TMEM132B: variants seen among roughly 807,000 people sequenced by gnomAD.
TMEM132B encodes transmembrane protein 132B.
Under a neutral mutation model 90.8 loss-of-function variants are expected in TMEM132B, and 18 were observed. The observed-to-expected ratio is 0.20, with a 90% CI of 0.14 to 0.29. The LOEUF (loss-of-function observed/expected upper bound fraction) is 0.29, where lower values mean the gene tolerates loss of function less well. TMEM132B is among the 10% of genes least tolerant of loss of function. The probability of loss-of-function intolerance (pLI) is 1.00; values close to 1 mark genes in which losing one functional copy is unlikely to be tolerated. For missense variants in TMEM132B, 1,096 were observed against 1,326.8 expected (o/e 0.83, Z 2.70); for synonymous variants, 504 against 523.3 (o/e 0.96, Z 0.50).
At chr12:125,295,538 G>GAGAGAGAGAGAC (rs1445138028) in intron 1 of TMEM132B, among the ~76,000 whole-genome samples, 19 of 149,054 alleles carry the variant, frequency 1.3e-4, no homozygotes, top group Admixed American at 2.0e-4. Flanking sequence ...GAGAGAGAGA[G>GAGAGAGAGAGAC]AGAGACAGAG....
In TMEM132B at chr12:125,393,625, GT is replaced by G. The variant is rs796582764; in HGVS notation, c.960-21904del. ...TATGCGAACACCCACATCAGTCGGG[GT>G]TCAGGCAGGAACAGCTGGCACACCT... On this transcript the variant is annotated intron_variant, in intron 2 of 8. Coordinates refer to ENST00000682704, the MANE Select transcript of TMEM132B (RefSeq NM_001366854.1). Among the ~76,000 whole-genome samples the G allele has an allele frequency of 2.0e-3, 300 of 152,282 alleles. 2 individuals are homozygous for G. The highest frequency in any genetic ancestry group is 0.014 in the Middle Eastern group (4 of 294).
At chr12:125,487,451 T>C (rs1199296468) in intron 3 of TMEM132B, among the ~76,000 whole-genome samples, 1 of 152,276 alleles carries the variant, frequency 6.6e-6, no homozygotes, top group Non-Finnish European at 1.5e-5. Context: ...ATGGAGTTTC[T>C]GAGCCACATC....
intron 1 of TMEM132B, among the ~76,000 whole-genome samples, chr12:125,269,025 T>A (rs549710591): frequency 4.6e-5 from 7 of 152,338 alleles, no homozygotes; most frequent in Middle Eastern, 3.4e-3. Context: ...TACCAACTGA[T>A]ATAGTTAATT....
intron 3 of TMEM132B, among the ~76,000 whole-genome samples, chr12:125,462,683 A>G (rs1472882633): frequency 6.6e-6 from 1 of 152,184 alleles, no homozygotes; most frequent in Non-Finnish European, 1.5e-5. Context: ...AGATGTTGAC[A>G]TATCTATCAG....
At chr12:125,594,941 G>T (rs549570412) in intron 5 of TMEM132B, among the ~76,000 whole-genome samples, 1 of 152,062 alleles carries the variant, frequency 6.6e-6, no homozygotes, top group Non-Finnish European at 1.5e-5. Context: ...CACCCTGCCT[G>T]TTGAGCTCAG....
chr12:125,353,042 A>G (rs894765426), intron 2 of TMEM132B, among the ~76,000 whole-genome samples: 8 of 152,236 alleles, frequency 5.3e-5, no homozygotes, highest in African/African-American at 1.7e-4. Flanking sequence ...ATCCAACCCC[A>G]CAGAGATTCT....
chr12:125,442,061 T>A (rs891992370), intron 3 of TMEM132B, among the ~76,000 whole-genome samples: 1 of 152,226 alleles, frequency 6.6e-6, no homozygotes, highest in Non-Finnish European at 1.5e-5. Context: ...TCTGTTTTTC[T>A]CCCCTCTTTT....
At chr12:125,297,985 G>A (rs529709884) in intron 1 of TMEM132B, among the ~76,000 whole-genome samples, 12 of 152,284 alleles carry the variant, frequency 7.9e-5, no homozygotes, top group African/African-American at 2.9e-4. Context: ...TGGCATGATG[G>A]CTCATGCTTG....
At chr12:125,196,334 C>CT (rs1872924826) in intron 1 of TMEM132B, among the ~76,000 whole-genome samples, 1 of 152,186 alleles carries the variant, frequency 6.6e-6, no homozygotes, top group Non-Finnish European at 1.5e-5. Flanking sequence ...TGAGTTGGGC[C>CT]TTTGCCTTTT....
intron 1 of TMEM132B, among the ~76,000 whole-genome samples, chr12:125,285,186 A>C (rs1316367533): frequency 6.6e-6 from 1 of 152,196 alleles, no homozygotes; most frequent in African/African-American, 2.4e-5. Context: ...GCAGGAGTAC[A>C]ATAAACTGAT....
chr12:125,644,153 C>A lies in TMEM132B; in HGVS notation c.1515C>A (p.Thr505=). 6.2e-7 allele frequency: 1 copy of A among 1,614,162 alleles called. No homozygotes were observed. The highest frequency in any genetic ancestry group is 8.5e-7 in the Non-Finnish European group (1 of 1,180,032). ...KSKVDTIVNF[T]HQHFTSQFEV... is the part of the protein sequence containing the mutation. The stretch of plus-strand genomic sequence containing the variant: ...AAGTGGACACGATTGTGAACTTCAC[C>A]CACCAGCACTTCACCTCCCAGTTCG... Residue 505 remains threonine (T), a synonymous_variant, in exon 6 of 9, where the codon ACC becomes ACA. Transcript: ENST00000682704.
rs553835199 is a variant in TMEM132B, at chr12:125,620,067, A to C, written c.1438-24009A>C. The stretch of plus-strand genomic sequence containing the variant: ...GGCATCTTAATGGCATCTTCAAATG[A>C]GATTTATAAATCATAGTTGCGATGT... On this transcript the variant is annotated intron_variant, in intron 5 of 8. Coordinates refer to ENST00000682704, the MANE Select transcript of TMEM132B (RefSeq NM_001366854.1). Among the ~76,000 whole-genome samples the C allele has an allele frequency of 8.5e-5, 13 of 152,276 alleles. No homozygotes were observed. In the South Asian group the frequency reaches 2.5e-3, roughly 29 times the overall value.
At chr12:125,430,397 C>T (rs1880463964) in intron 3 of TMEM132B, among the ~76,000 whole-genome samples, 1 of 152,022 alleles carries the variant, frequency 6.6e-6, no homozygotes, top group Non-Finnish European at 1.5e-5. Flanking sequence ...ATAGAGGGGC[C>T]TGGGGCTACT....
chr12:125,269,338 A>G (rs894733625), intron 1 of TMEM132B, among the ~76,000 whole-genome samples: 1 of 152,194 alleles, frequency 6.6e-6, no homozygotes, highest in African/African-American at 2.4e-5. Flanking sequence ...TTGGCTGCAG[A>G]AAGCAGGGTG....
intron 1 of TMEM132B, among the ~76,000 whole-genome samples, chr12:125,319,949 G>A (rs949552020): frequency 2.0e-5 from 3 of 152,172 alleles, no homozygotes; most frequent in African/African-American, 4.8e-5. Context: ...CTGGGAGGTT[G>A]AGGGCTGCAG....
intron 1 of TMEM132B, among the ~76,000 whole-genome samples, chr12:125,320,865 C>T (rs867010313): frequency 3.9e-5 from 6 of 152,184 alleles, no homozygotes; most frequent in Middle Eastern, 3.2e-3. Flanking sequence ...TTTGCAATTC[C>T]AGATTCCCAA....
chr12:125,429,504 CCCTAATGT>C (rs1218146233), intron 3 of TMEM132B, among the ~76,000 whole-genome samples: 1 of 152,046 alleles, frequency 6.6e-6, no homozygotes, highest in Non-Finnish European at 1.5e-5. Flanking sequence ...CCGTGCCCGG[CCCTAATGT>C]CCTCTTTCTG....
chr12:125,652,487 T>A lies in TMEM132B; in HGVS notation c.1961T>A (p.Ile654Asn). 1.2e-6 allele frequency: 2 copies of A among 1,612,796 alleles called. No homozygotes were observed. The highest frequency in any genetic ancestry group is 1.7e-6 in the Non-Finnish European group (2 of 1,179,312). Residue 654 changes from isoleucine to asparagine, a missense_variant, in exon 8 of 9, where the codon ATT (isoleucine) becomes AAT (asparagine). Physicochemically the swap from Ile to Asn is moderately radical, Grantham distance 149 (BLOSUM62 -3). Transcript: ENST00000682704. Reference sequence around the variant, plus strand: ...TCCATCCTGGCTGAGAAGACGGTGATTGTCCTGGATGACCGAGTCACCATC... The same window carrying A: ...TCCATCCTGGCTGAGAAGACGGTGAATGTCCTGGATGACCGAGTCACCATC... The part of the protein sequence containing the change: ...SDSILAEKTV[I>N]VLDDRVTIAE...
At chr12:125,212,882 T>A (rs1388856008) in intron 1 of TMEM132B, among the ~76,000 whole-genome samples, 2 of 151,980 alleles carry the variant, frequency 1.3e-5, no homozygotes, top group Non-Finnish European at 2.9e-5. Context: ...ATCGACAGGG[T>A]CTAACTGTTT....
Sources: allele counts gnomAD v4.1 joint callset (sites outside exome capture counted in the v4.1 genomes callset), GRCh38; gene constraint gnomAD v4.1.1; transcripts MANE v1.5; gene names NCBI Gene and HGNC (gene_info 2026-07-23, HGNC 2026-07-21).